TMEM131: variants seen among roughly 807,000 people sequenced by gnomAD.
The protein encoded by TMEM131 is transmembrane protein 131.
A neutral mutation model predicts 211.6 loss-of-function variants in TMEM131; 66 were observed. The ratio of observed to expected loss-of-function variants is 0.31; its 90% CI spans 0.26 to 0.38. TMEM131 has a LOEUF of 0.38. Among genes scored for constraint, TMEM131 ranks in the 10% least tolerant of loss-of-function variants. The pLI, the probability that TMEM131 is intolerant of heterozygous loss-of-function variation, is 1.00. For missense variants in TMEM131, 2,036 were observed against 2,299.3 expected, an observed-to-expected ratio of 0.89 and a Z score of 2.34; for synonymous variants, 844 against 841.3, an observed-to-expected ratio of 1.00 and a Z score of -0.06.
chr2:97,942,253 T>C (rs1677766701), intron 1 of TMEM131, among the ~76,000 whole-genome samples: 1 of 143,648 alleles, frequency 7.0e-6, no homozygotes, highest in Admixed American at 7.6e-5. Flanking sequence ...CATGTTCTCA[T>C]TCATAGGTGG....
chr2:97,772,528 C>T, intron 32 of TMEM131, 104 bp from the exon 33 acceptor site: 5 of 1,263,408 alleles, frequency 4.0e-6, no homozygotes, highest in Admixed American at 2.8e-5. Flanking sequence ...AAAATATACA[C>T]ATCATATACG....
intron 1 of TMEM131, among the ~76,000 whole-genome samples, chr2:97,971,058 T>C (rs925490801): frequency 6.6e-6 from 1 of 152,212 alleles, no homozygotes; most frequent in African/African-American, 2.4e-5. Flanking sequence ...CTATCAATAA[T>C]TATTTAAACA....
At chr2:97,927,073 T>C (rs575344207) in intron 2 of TMEM131, among the ~76,000 whole-genome samples, 1 of 152,354 alleles carries the variant, frequency 6.6e-6, no homozygotes, top group South Asian at 2.1e-4. Context: ...GAGCTCATTA[T>C]GTTCAGTTTT....
intron 1 of TMEM131, among the ~76,000 whole-genome samples, chr2:97,989,546 C>G (rs1680172820): frequency 6.6e-6 from 1 of 152,088 alleles, no homozygotes; most frequent in Non-Finnish European, 1.5e-5. Context: ...ATCTGCTACA[C>G]AACAACGTGA....
intron 31 of TMEM131, among the ~76,000 whole-genome samples, chr2:97,791,571 G>A (rs1332558620): frequency 6.6e-6 from 1 of 152,170 alleles, no homozygotes; most frequent in African/African-American, 2.4e-5. Context: ...CTGTGTGAAC[G>A]TGGAAGCAGG....
intron 31 of TMEM131, among the ~76,000 whole-genome samples, chr2:97,787,583 A>G (rs1346064913): frequency 1.3e-5 from 2 of 152,154 alleles, no homozygotes; most frequent in Non-Finnish European, 2.9e-5. Context: ...ACAATCTCTT[A>G]TCTGTAAATC....
At chr2:97,822,013 C>G (rs976678190) in intron 11 of TMEM131, among the ~76,000 whole-genome samples, 1 of 152,144 alleles carries the variant, frequency 6.6e-6, no homozygotes, top group Non-Finnish European at 1.5e-5. Flanking sequence ...GTTGCCCAAG[C>G]GAGACTTGCC....
At chr2:97,927,385 T>A in intron 2 of TMEM131, 41 bp downstream of exon 2, 1 of 1,453,272 alleles carries the variant, frequency 6.9e-7, no homozygotes, top group South Asian at 1.3e-5. Context: ...CAGATATTAT[T>A]CAAGGCTTAA....
intron 2 of TMEM131, among the ~76,000 whole-genome samples, chr2:97,924,783 C>G (rs1676911302): frequency 6.6e-6 from 1 of 152,136 alleles, no homozygotes; most frequent in Non-Finnish European, 1.5e-5. Flanking sequence ...AATGGCTGGG[C>G]AATAATGGGG....
intron 1 of TMEM131, among the ~76,000 whole-genome samples, chr2:97,928,201 T>C (rs1286427735): frequency 1.3e-5 from 2 of 152,168 alleles, no homozygotes; most frequent in Admixed American, 6.5e-5. Context: ...CTGTGGTATA[T>C]CTATACAATG....
At chr2:97,867,601 G>A (rs989221559) in intron 4 of TMEM131, among the ~76,000 whole-genome samples, 3 of 152,190 alleles carry the variant, frequency 2.0e-5, no homozygotes, top group African/African-American at 4.8e-5. Context: ...TCCTACTAGT[G>A]AGGTGAGCAA....
chr2:97,962,460 C>T (rs1296144647), intron 1 of TMEM131, among the ~76,000 whole-genome samples: 10 of 152,008 alleles, frequency 6.6e-5, no homozygotes, highest in Non-Finnish European at 8.8e-5. Context: ...GCTGAGATAG[C>T]GCCACTGCAC....
chr2:97,880,812 C>T (rs921219241), intron 4 of TMEM131, among the ~76,000 whole-genome samples: 3 of 152,020 alleles, frequency 2.0e-5, no homozygotes, highest in African/African-American at 7.3e-5. Context: ...GAAATGCAGC[C>T]GCACACAACC....
intron 7 of TMEM131, among the ~76,000 whole-genome samples, chr2:97,839,298 G>T (rs1336989177): frequency 6.6e-6 from 1 of 151,246 alleles, no homozygotes; most frequent in East Asian, 1.9e-4. Flanking sequence ...CTGCACTCCA[G>T]CCTGGTGTCT....
intron 1 of TMEM131, among the ~76,000 whole-genome samples, chr2:97,929,015 T>G (rs1359435744): frequency 6.6e-6 from 1 of 151,806 alleles, no homozygotes; most frequent in African/African-American, 2.4e-5. Flanking sequence ...AGCAATGACA[T>G]GCCAATAGCA....
Position 97,766,628 on chromosome 2 carries a change from T to C in TMEM131, c.4449-26A>G, listed in dbSNP as rs552766489. ...CTGAAAGACAATCAGGGATGGAAAA[T>C]ACAAATTTATTCCTCTGTTTTGGAG... On this transcript the variant is annotated intron_variant, in intron 33 of 40. Coordinates refer to ENST00000186436, the MANE Select transcript of TMEM131 (RefSeq NM_015348.2). 53 of 1,611,394 alleles carry C rather than the reference T, an allele frequency of 3.3e-5. No homozygotes were observed. The South Asian group carries it at 5.8e-4, about 18-fold the overall frequency.
chr2:97,817,072 T>C (rs1017987370), intron 12 of TMEM131, among the ~76,000 whole-genome samples: 10 of 152,324 alleles, frequency 6.6e-5, no homozygotes, highest in African/African-American at 2.4e-4. Context: ...GCTGTTGTTA[T>C]TTAATTTTAC....
intron 25 of TMEM131, among the ~76,000 whole-genome samples, chr2:97,798,359 CT>C (rs1340926132): frequency 1.3e-5 from 2 of 152,208 alleles, no homozygotes; most frequent in African/African-American, 4.8e-5. Flanking sequence ...TCCACCAGTT[CT>C]TCATGGCTTC....
chr2:97,791,656 G>A (rs1239991041), intron 31 of TMEM131, among the ~76,000 whole-genome samples: 1 of 152,210 alleles, frequency 6.6e-6, no homozygotes, highest in African/African-American at 2.4e-5. Flanking sequence ...TCCTGTGAGG[G>A]CCATGGGACC....
Sources: gnomAD v4.1 joint callset for allele counts (sites outside exome capture counted in the v4.1 genomes callset) on GRCh38, gnomAD v4.1.1 for gene constraint, MANE v1.5 for transcripts, NCBI Gene and HGNC (gene_info 2026-07-23, HGNC 2026-07-21) for gene names.